PTPRD: variants seen among roughly 807,000 people sequenced by gnomAD.
The protein encoded by PTPRD is receptor-type tyrosine-protein phosphatase delta.
PTPRD carries 34 observed loss-of-function variants against 214.5 expected under a neutral mutation model. That is an observed-to-expected ratio of 0.16 (90% CI 0.12 to 0.21). The LOEUF is 0.21. Among genes scored for constraint, PTPRD ranks in the 10% least tolerant of loss-of-function variants. The probability of loss-of-function intolerance (pLI) is 1.00; values close to 1 mark genes in which losing one functional copy is unlikely to be tolerated. For synonymous variants in PTPRD, 1,128 were observed against 845.7 expected (o/e 1.33, Z -5.79); for missense variants, 2,545 against 2,398.7 (o/e 1.06, Z -1.27).
chr9:10,592,311 G>A (rs1441330250), intron 2 of PTPRD, among the ~76,000 whole-genome samples: 1 of 151,994 alleles, frequency 6.6e-6, no homozygotes, highest in Non-Finnish European at 1.5e-5. Flanking sequence ...AAATGCAGCA[G>A]CCAATTTAAT....
chr9:9,770,029 C>T (rs1045582416), intron 5 of PTPRD, among the ~76,000 whole-genome samples: 15 of 152,032 alleles, frequency 9.9e-5, no homozygotes, highest in African/African-American at 3.4e-4. Flanking sequence ...TTGGGTTGGT[C>T]CCAAGTCTTT....
chr9:10,231,045 C>G (rs577369852), intron 3 of PTPRD, among the ~76,000 whole-genome samples: 1 of 151,890 alleles, frequency 6.6e-6, no homozygotes, highest in African/African-American at 2.4e-5. Context: ...ACCTCCTGGA[C>G]TGGTCAAAAG....
chr9:10,462,144 A>T (rs1457272405), intron 2 of PTPRD, among the ~76,000 whole-genome samples: 1 of 152,120 alleles, frequency 6.6e-6, no homozygotes, highest in Non-Finnish European at 1.5e-5. Flanking sequence ...GTAAATGAGT[A>T]AATTATAGCT....
At chr9:9,910,309 T>G (rs2078828437) in intron 5 of PTPRD, among the ~76,000 whole-genome samples, 1 of 152,016 alleles carries the variant, frequency 6.6e-6, no homozygotes, top group Admixed American at 6.6e-5. Context: ...CTGCTTGATG[T>G]AATGTGAATT....
intron 11 of PTPRD, among the ~76,000 whole-genome samples, chr9:9,011,798 C>G (rs2099512876): frequency 6.6e-6 from 1 of 152,034 alleles, no homozygotes; most frequent in African/African-American, 2.4e-5. Flanking sequence ...CAGGGAAGGC[C>G]CTGGCACTGG....
At chr9:9,844,899 G>C (rs931316639) in intron 5 of PTPRD, among the ~76,000 whole-genome samples, 2 of 151,138 alleles carry the variant, frequency 1.3e-5, no homozygotes, top group South Asian at 2.1e-4. Flanking sequence ...TCCCAGGCTT[G>C]TTAGCACAGA....
intron 5 of PTPRD, among the ~76,000 whole-genome samples, chr9:9,817,042 C>A (rs996762244): frequency 1.3e-5 from 2 of 151,970 alleles, no homozygotes; most frequent in South Asian, 4.1e-4. Flanking sequence ...AAGTAAATTA[C>A]CAGCTGTCAA....
At chr9:8,335,445 C>CTT (rs1845703380) in intron 43 of PTPRD, among the ~76,000 whole-genome samples, 1 of 152,192 alleles carries the variant, frequency 6.6e-6, no homozygotes, top group Non-Finnish European at 1.5e-5. Context: ...TTCAACACCA[C>CTT]TTTGTGCTAA....
chr9:10,476,771 G>A (rs1350432173), intron 2 of PTPRD, among the ~76,000 whole-genome samples: 1 of 152,072 alleles, frequency 6.6e-6, no homozygotes, highest in Non-Finnish European at 1.5e-5. Context: ...AAACAGCATG[G>A]TACTGGTACA....
chr9:9,784,965 T>C (rs1234119277), intron 5 of PTPRD, among the ~76,000 whole-genome samples: 1 of 151,392 alleles, frequency 6.6e-6, no homozygotes, highest in Non-Finnish European at 1.5e-5. Flanking sequence ...ATGTACAGGG[T>C]TTGGGTGAAT....
chr9:9,428,510 G>A (rs376008944), intron 8 of PTPRD, among the ~76,000 whole-genome samples: 1 of 152,048 alleles, frequency 6.6e-6, no homozygotes, highest in African/African-American at 2.4e-5. Flanking sequence ...AGAAAGTTAA[G>A]AAGGATATCC....
At chr9:9,829,869 T>A (rs1053690839) in intron 5 of PTPRD, among the ~76,000 whole-genome samples, 8 of 151,826 alleles carry the variant, frequency 5.3e-5, no homozygotes, top group South Asian at 2.1e-4. Context: ...TTGCTACTAT[T>A]TCTATTATGT....
Position 10,522,377 on chromosome 9 carries a change from T to C in PTPRD, c.-600+90021A>G, listed in dbSNP as rs116154275. Among the ~76,000 whole-genome samples, 1,429 of 152,238 alleles carry C rather than the reference T, an allele frequency of 9.4e-3. 37 individuals carry two copies. The highest frequency in any genetic ancestry group is 0.033 in the African/African-American group (1,352 of 41,536). On this transcript the variant is annotated intron_variant, in intron 2 of 45. Transcript: ENST00000381196. ...GTGCTTATATATGATAATTCAGAAT[T>C]TGCACAAAGCTTTTGAGAGGTGCTT...
intron 35 of PTPRD, among the ~76,000 whole-genome samples, chr9:8,426,263 G>GAACCA (rs2094664938): frequency 6.6e-6 from 1 of 152,160 alleles, no homozygotes; most frequent in South Asian, 2.1e-4. Context: ...AAGGTTCTGA[G>GAACCA]AGGTAAAGCA....
chr9:8,980,490 AC>A (rs1403014205), intron 11 of PTPRD, among the ~76,000 whole-genome samples: 2 of 152,090 alleles, frequency 1.3e-5, no homozygotes, highest in African/African-American at 4.8e-5. Context: ...TGTATTGCAA[AC>A]CTTAAATACA....
chr9:8,584,194 T>C (rs1226093885), intron 14 of PTPRD, among the ~76,000 whole-genome samples: 1 of 152,028 alleles, frequency 6.6e-6, no homozygotes, highest in African/African-American at 2.4e-5. Flanking sequence ...TAAAAATAAA[T>C]AAGAAGCAAA....
rs35650113 is a variant in PTPRD at position 9,327,904 on chromosome 9, TAA to T, written c.-203+69543_-203+69544del. 4.6e-3 allele frequency among the ~76,000 whole-genome samples: 663 copies of T among 142,824 alleles called. 3 individuals are homozygous for T. Among genetic ancestry groups the T allele is most frequent in the Non-Finnish European group, 6.8e-3 (447 of 65,630 alleles). The allele number at this position is 142,824 out of a possible 152,430, so 93.7% of individuals were successfully genotyped here. A position where few individuals can be genotyped will look rare whatever the true frequency, so the allele number is the denominator to read the frequency against. On this transcript the variant is annotated intron_variant, in intron 9 of 45. Transcript: ENST00000381196. ...CTAACACTAACGATAGTTGATGAGC[TAA>T]AAAAAAAAAAAAAATCACAAAAAAA...
chr9:9,888,272 A>G (rs16930512), intron 5 of PTPRD, among the ~76,000 whole-genome samples: 27,344 of 152,192 alleles, frequency 0.18, 3,034 homozygotes, highest in African/African-American at 0.31. Flanking sequence ...TTCCTGTCAG[A>G]TGAAGAGCGA....
intron 3 of PTPRD, among the ~76,000 whole-genome samples, chr9:10,100,540 A>G (rs2098541593): frequency 6.6e-6 from 1 of 151,786 alleles, no homozygotes; most frequent in African/African-American, 2.4e-5. Context: ...AGTCATTTAC[A>G]AAGAAGTCAG....
Sources: allele counts gnomAD v4.1 joint callset (sites outside exome capture counted in the v4.1 genomes callset), GRCh38; gene constraint gnomAD v4.1.1; transcripts MANE v1.5; gene names NCBI Gene and HGNC (gene_info 2026-07-23, HGNC 2026-07-21).